MRTFA: variants seen among roughly 807,000 people sequenced by gnomAD.
The protein encoded by MRTFA is myocardin-related transcription factor A.
In MRTFA, 20 loss-of-function variants were observed where a neutral mutation model predicts 83.5. The ratio of observed to expected loss-of-function variants is 0.24; its 90% CI spans 0.17 to 0.35. The LOEUF (loss-of-function observed/expected upper bound fraction) is 0.35. Among genes scored for constraint, MRTFA ranks in the 10% least tolerant of loss-of-function variants. MRTFA has a pLI of 1.00. For missense variants in MRTFA, 1,200 were observed against 1,224.7 expected (o/e 0.98, Z 0.30); for synonymous variants, 659 against 541.2 (o/e 1.22, Z -3.02).
intron 7 of MRTFA, 177 bp downstream of exon 7, chr22:40,429,429 A>G (rs2053022172): frequency 1.3e-6 from 1 of 746,632 alleles, no homozygotes; most frequent in East Asian, 2.7e-5. Context: ...CACTATCCCA[A>G]GTTCATACAA....
At chr22:40,459,782 T>TATACACACACACACACAC (rs1261144482) in intron 4 of MRTFA, among the ~76,000 whole-genome samples, 3 of 88,914 alleles carry the variant, frequency 3.4e-5, no homozygotes, top group African/African-American at 9.4e-5. Flanking sequence ...TGATAAAATA[T>TATACACACACACACACAC]ACACACACAC....
At chr22:40,469,145 A>G (rs2053859041) in intron 3 of MRTFA, among the ~76,000 whole-genome samples, 1 of 152,224 alleles carries the variant, frequency 6.6e-6, no homozygotes, top group Admixed American at 6.5e-5. Flanking sequence ...AACAATAGAC[A>G]GAACAACTAG....
intron 2 of MRTFA, among the ~76,000 whole-genome samples, chr22:40,577,053 T>C (rs1299069986): frequency 1.3e-5 from 2 of 151,796 alleles, no homozygotes; most frequent in African/African-American, 4.8e-5. Context: ...GGAGACCTCA[T>C]CTCCACAAAA....
intron 2 of MRTFA, among the ~76,000 whole-genome samples, chr22:40,562,880 G>A (rs192616259): frequency 5.9e-5 from 9 of 152,194 alleles, no homozygotes; most frequent in African/African-American, 4.8e-5. Flanking sequence ...AGTTCTCAAC[G>A]AATTGGGTAG....
At chr22:40,463,308 GGA>G in intron 3 of MRTFA, 22 bp from the exon 4 acceptor site, 1 of 1,606,500 alleles carries the variant, frequency 6.2e-7, no homozygotes, top group Non-Finnish European at 8.5e-7. Flanking sequence ...CAGAGAGAGA[GGA>G]GAGATGAGGG....
chr22:40,435,380 G>T, intron 5 of MRTFA, 119 bp downstream of exon 5: 1 of 1,093,932 alleles, frequency 9.1e-7, no homozygotes, highest in Non-Finnish European at 1.4e-6. Flanking sequence ...TGGCCCTAGA[G>T]TCTAGCAGGC....
intron 2 of MRTFA, among the ~76,000 whole-genome samples, chr22:40,575,580 A>T (rs1273492947): frequency 6.6e-6 from 1 of 152,240 alleles, no homozygotes; most frequent in Non-Finnish European, 1.5e-5. Flanking sequence ...AGGCTTTCAC[A>T]ACCTGTATAT....
chr22:40,563,957 G>A (rs1371562221), intron 2 of MRTFA, among the ~76,000 whole-genome samples: 1 of 152,196 alleles, frequency 6.6e-6, no homozygotes, highest in Admixed American at 6.5e-5. Flanking sequence ...ATTAGGCAAA[G>A]TATAATGTGT....
At chr22:40,413,078 A>C (rs1180609674) in intron 14 of MRTFA, among the ~76,000 whole-genome samples, 1 of 139,228 alleles carries the variant, frequency 7.2e-6, no homozygotes, top group Non-Finnish European at 1.5e-5. Flanking sequence ...CGGAGGTTGC[A>C]GTGAGCCAAG....
chr22:40,551,595 C>G (rs948413771), intron 3 of MRTFA, among the ~76,000 whole-genome samples: 1 of 152,134 alleles, frequency 6.6e-6, no homozygotes, highest in African/African-American at 2.4e-5. Flanking sequence ...CTCTTAACTC[C>G]TGACCTGAGG....
At position 40,636,655 on chromosome 22, in the gene MRTFA, CGCCGCCGCGGCCACCACAGACACT is replaced by C. The variant is rs1569363636; in HGVS notation, c.-285_-262del. 2 of 152,400 alleles carry C rather than the reference CGCCGCCGCGGCCACCACAGACACT, an allele frequency of 1.3e-5. No individual in the cohort carries two copies. Among genetic ancestry groups the C allele is most frequent in the East Asian group, 1.9e-4 (1 of 5,172 alleles). The allele number at this position is 152,400 out of a possible 1,614,324, so 9.4% of individuals were successfully genotyped here. ...GTGGGAAAGATGGGACCGTCGCTCT[CGCCGCCGCGGCCACCACAGACACT>C]GCCGCCGCCGGCTCCTCTCAGCCAC... On this transcript the variant is annotated 5_prime_UTR_variant, in exon 1 of 15. Transcript: ENST00000355630.
intron 3 of MRTFA, among the ~76,000 whole-genome samples, chr22:40,537,981 C>A: frequency 4.5e-5 from 1 of 22,114 alleles, no homozygotes; most frequent in African/African-American, 2.1e-4. Flanking sequence ...CCGCCCCGTC[C>A]GGGAGGTGAG....
intron 4 of MRTFA, among the ~76,000 whole-genome samples, chr22:40,456,558 C>T (rs1323889809): frequency 6.6e-6 from 1 of 152,228 alleles, no homozygotes; most frequent in African/African-American, 2.4e-5. Context: ...CGTGCTGGCC[C>T]GCACCTGTAG....
At chr22:40,589,778 C>T (rs1241278948) in intron 2 of MRTFA, among the ~76,000 whole-genome samples, 1 of 152,094 alleles carries the variant, frequency 6.6e-6, no homozygotes, top group East Asian at 1.9e-4. Flanking sequence ...CCTTTAATCC[C>T]AGCACTTTGG....
At chr22:40,630,534 C>T (rs146537766) in intron 1 of MRTFA, among the ~76,000 whole-genome samples, 227 of 152,228 alleles carry the variant, frequency 1.5e-3, no homozygotes, top group East Asian at 8.5e-3. Context: ...CCTTTCCTTT[C>T]GACGTAACAA....
intron 1 of MRTFA, among the ~76,000 whole-genome samples, chr22:40,611,754 T>TA (rs1167671722): frequency 1.3e-5 from 2 of 152,136 alleles, no homozygotes; most frequent in African/African-American, 4.8e-5. Context: ...TGATGACCTA[T>TA]AAAAGTCTAC....
chr22:40,462,688 C>T (rs896111958), intron 4 of MRTFA, among the ~76,000 whole-genome samples: 5 of 152,100 alleles, frequency 3.3e-5, no homozygotes, highest in Non-Finnish European at 5.9e-5. Context: ...CCACTGAGCC[C>T]GGTGCCGTGA....
chr22:40,510,414 G>A (rs2054649091), intron 3 of MRTFA, among the ~76,000 whole-genome samples: 1 of 152,054 alleles, frequency 6.6e-6, no homozygotes, highest in Non-Finnish European at 1.5e-5. Context: ...TGAACCTCTG[G>A]CCACCTGCAG....
At chr22:40,590,503 C>A (rs2056104187) in intron 2 of MRTFA, among the ~76,000 whole-genome samples, 1 of 151,348 alleles carries the variant, frequency 6.6e-6, no homozygotes, top group South Asian at 2.1e-4. Context: ...CCCGTCTCTA[C>A]TAAAAATACA....
Sources: gnomAD v4.1 joint callset for allele counts (sites outside exome capture counted in the v4.1 genomes callset) on GRCh38, gnomAD v4.1.1 for gene constraint, MANE v1.5 for transcripts, NCBI Gene and HGNC (gene_info 2026-07-23, HGNC 2026-07-21) for gene names.